NHSL1: variants seen among roughly 807,000 people sequenced by gnomAD.
NHSL1 encodes the protein NHS like 1.
Under a neutral mutation model 95.0 loss-of-function variants are expected in NHSL1, and 48 were observed. The observed-to-expected ratio is 0.51, with a 90% confidence interval of 0.40 to 0.64. The LOEUF is 0.64. NHSL1 is among the 30% of genes least tolerant of loss of function. The pLI, the probability that NHSL1 is intolerant of heterozygous loss-of-function variation, is 0.00. For missense variants in NHSL1, 1,971 were observed against 2,077.7 expected, an observed-to-expected ratio of 0.95 and a Z score of 1.00; for synonymous variants, 783 against 833.9, an observed-to-expected ratio of 0.94 and a Z score of 1.05.
intron 1 of NHSL1, among the ~76,000 whole-genome samples, chr6:138,606,796 A>G (rs1318059827): frequency 2.8e-5 from 4 of 143,008 alleles, no homozygotes; most frequent in African/African-American, 5.2e-5. Flanking sequence ...TCCGCCTCCC[A>G]GGTTCACGCC....
In NHSL1 at chr6:138,433,446, T is replaced by G; in HGVS notation, c.899A>C (p.Asn300Thr). 6.4e-7 allele frequency: 1 copy of G among 1,552,330 alleles called. No homozygotes were observed. The highest frequency in any genetic ancestry group is 2.4e-5 in the East Asian group (1 of 40,914). ...TGCAGAATCGCTCAGCACAGACATGTTGCCAGAGGAACCTGAGAAGTGGCC... is the reference window on the plus strand; with the variant it reads ...TGCAGAATCGCTCAGCACAGACATGGTGCCAGAGGAACCTGAGAAGTGGCC... ...QMGHFSGSSG[N>T]MSVLSDSAGI... Residue 300 changes from asparagine (N) to threonine (T), a missense_variant, in exon 6 of 8, where the codon AAC (asparagine) becomes ACC (threonine). This residue lies in a region of NHSL1 where 1,602 missense variants were observed against 1,654.5 expected (regional missense o/e 0.97). Coordinates refer to ENST00000343505, the MANE Select transcript of NHSL1 (RefSeq NM_001144060.2).
intron 1 of NHSL1, among the ~76,000 whole-genome samples, chr6:138,671,236 C>T (rs1785364337): frequency 6.6e-6 from 1 of 152,020 alleles, no homozygotes; most frequent in South Asian, 2.1e-4. Flanking sequence ...GCGGGCAGAT[C>T]ACTTAAGGTC....
chr6:138,430,537 A>G lies in NHSL1; in HGVS notation c.3808T>C (p.Ser1270Pro). The part of the protein sequence containing the change: ...TSVLEGGAAG[S>P]MSPSRVEANV... ...GCTTCCACTCTGCTGGGAGACATGG[A>G]TCCTGCAGCTCCTCCCTCAAGAACC... The change falls in exon 6 of 8, where the codon TCC becomes CCC. Residue 1270 changes from serine (S) to proline (P), a missense_variant. Physicochemically the swap from Ser to Pro is moderately conservative, Grantham distance 74 (BLOSUM62 -1). This residue lies in a region of NHSL1 where 1,602 missense variants were observed against 1,654.5 expected (regional missense o/e 0.97). Coordinates refer to ENST00000343505, the MANE Select transcript of NHSL1 (RefSeq NM_001144060.2). The surrounding 1 kb of genome is among the most constrained non-coding windows in gnomAD (Gnocchi z 4.7). 6.4e-7 allele frequency: 1 copy of G among 1,551,366 alleles called. No individual in the cohort carries two copies. Among genetic ancestry groups the G allele is most frequent in the Non-Finnish European group, 8.7e-7 (1 of 1,146,816 alleles).
At chr6:138,508,418 A>C (rs1206175060) in intron 1 of NHSL1, among the ~76,000 whole-genome samples, 1 of 152,230 alleles carries the variant, frequency 6.6e-6, no homozygotes, top group Non-Finnish European at 1.5e-5. Context: ...CAGGCAAATC[A>C]AAAAAGGGAG....
Position 138,587,800 on chromosome 6 carries a change from T to C in NHSL1, c.97-91429A>G, listed in dbSNP as rs543580020. On this transcript the variant is annotated intron_variant, in intron 1 of 3. Transcript: ENST00000491526. ...ATGCCAAGGTCAGTGGGTCTCTGAG[T>C]CTAAAAAGACACAACCTGGCTCCAT... Among the ~76,000 whole-genome samples the C allele has an allele frequency of 3.3e-5, 5 of 152,226 alleles. No individual in the cohort carries two copies. In the South Asian group the frequency reaches 1.0e-3, roughly 32 times the overall value.
At chr6:138,666,533 A>G (rs1785296821) in intron 1 of NHSL1, among the ~76,000 whole-genome samples, 1 of 148,044 alleles carries the variant, frequency 6.8e-6, no homozygotes, top group African/African-American at 2.5e-5. Context: ...TAGAGCTTGC[A>G]GTGAGCTGAG....
chr6:138,642,170 T>C (rs147724420), intron 1 of NHSL1, among the ~76,000 whole-genome samples: 5 of 152,266 alleles, frequency 3.3e-5, no homozygotes, highest in East Asian at 1.9e-4. Flanking sequence ...GACTCTGTTA[T>C]AGAATACCTA....
At chr6:138,616,286 A>G (rs1482716291) in intron 1 of NHSL1, among the ~76,000 whole-genome samples, 1 of 152,202 alleles carries the variant, frequency 6.6e-6, no homozygotes, top group East Asian at 1.9e-4. Flanking sequence ...TTAAATTTTC[A>G]AAGTGTGACT....
chr6:138,434,703 G>A (rs761167724), intron 5 of NHSL1, among the ~76,000 whole-genome samples: 1 of 152,150 alleles, frequency 6.6e-6, no homozygotes, highest in Non-Finnish European at 1.5e-5. Context: ...CTCAACACGG[G>A]CTTTGCTGAG....
intron 1 of NHSL1, among the ~76,000 whole-genome samples, chr6:138,588,034 G>A (rs1468268690): frequency 6.6e-6 from 1 of 152,264 alleles, no homozygotes; most frequent in African/African-American, 2.4e-5. Context: ...TTGGCGGCAG[G>A]AATCACATCT....
chr6:138,657,730 G>A (rs1785174697), intron 1 of NHSL1, among the ~76,000 whole-genome samples: 1 of 149,810 alleles, frequency 6.7e-6, no homozygotes, highest in Admixed American at 6.7e-5. Flanking sequence ...CAGGAGAATG[G>A]TGTGAACCCG....
chr6:138,639,434 C>G (rs1583461757), intron 1 of NHSL1, among the ~76,000 whole-genome samples: 1 of 151,430 alleles, frequency 6.6e-6, no homozygotes, highest in East Asian at 1.9e-4. Flanking sequence ...GTCAGGAGAT[C>G]GAGACCATCC....
At chr6:138,560,741 C>A (rs781058933) in intron 1 of NHSL1, among the ~76,000 whole-genome samples, 7 of 152,160 alleles carry the variant, frequency 4.6e-5, no homozygotes, top group African/African-American at 9.7e-5. Flanking sequence ...GAATCCCCGA[C>A]CAATCAAGAC....
At chr6:138,490,364 C>G (rs17067671) in intron 2 of NHSL1, among the ~76,000 whole-genome samples, 2,052 of 152,132 alleles carry the variant, frequency 0.013, 40 homozygotes, top group East Asian at 0.047. Flanking sequence ...AGTGGAGAAC[C>G]GATGGCGAAA....
At chr6:138,661,000 T>C (rs887081584) in intron 1 of NHSL1, among the ~76,000 whole-genome samples, 1 of 152,096 alleles carries the variant, frequency 6.6e-6, no homozygotes, top group African/African-American at 2.4e-5. Flanking sequence ...GCTAGTCCTT[T>C]GGTCTTATAT....
intron 1 of NHSL1, among the ~76,000 whole-genome samples, chr6:138,641,128 C>G (rs2114684261): frequency 6.6e-6 from 1 of 152,282 alleles, no homozygotes; most frequent in South Asian, 2.1e-4. Flanking sequence ...CATGGTGAAA[C>G]CCCATCTCTA....
chr6:138,512,366 T>C (rs1484622944), intron 1 of NHSL1: 5 of 452,010 alleles, frequency 1.1e-5, no homozygotes, highest in Admixed American at 7.2e-5. Flanking sequence ...AGAGCATCTA[T>C]GGAGAACTCG....
rs574525748 is a variant in NHSL1, at chr6:138,583,584, A to C, written c.97-87213T>G. 3.9e-5 allele frequency among the ~76,000 whole-genome samples: 6 copies of C among 152,272 alleles called. No individual in the cohort carries two copies. In the East Asian group the frequency reaches 1.2e-3, roughly 29 times the overall value. On this transcript the variant is annotated intron_variant, in intron 1 of 3. Transcript: ENST00000491526. ...TCCAGACTGTAAACCACCCAAGAGA[A>C]AGAACTGAGGCTTCTGTCACTGTGT...
chr6:138,430,382 GCCAGA>G lies in NHSL1; in HGVS notation c.3952+6_3952+10del. ...GGGCACAGGAGAGAGAAGCCAGGAA[GCCAGA>G]CTCACCTGCTCCGTCCTGTTGAGAT... On this transcript the variant is annotated splice_donor_region_variant and intron_variant, in intron 6 of 7. Transcript: ENST00000343505. The surrounding 1 kb of genome is among the most constrained non-coding windows in gnomAD (Gnocchi z 4.7). The G allele has an allele frequency of 2.8e-6, 4 of 1,453,124 alleles. No individual in the cohort carries two copies. The highest frequency in any genetic ancestry group is 3.6e-6 in the Non-Finnish European group (4 of 1,098,690). 90.0% of individuals were successfully genotyped at this position (1,453,124 alleles called of 1,614,324 possible).
Sources: allele counts gnomAD v4.1 joint callset (sites outside exome capture counted in the v4.1 genomes callset), GRCh38; gene constraint gnomAD v4.1.1; regional missense constraint gnomAD v4.1.1; non-coding constraint Gnocchi (gnomAD v3.1); transcripts MANE v1.5; gene names NCBI Gene and HGNC (gene_info 2026-07-23, HGNC 2026-07-21).